The following SORCS2 variants were observed in gnomAD, a reference collection of about 807,000 sequenced individuals.
SORCS2 encodes the protein VPS10 domain-containing receptor SorCS2.
In SORCS2, 100 loss-of-function variants were observed where a neutral mutation model predicts 141.6. The ratio of observed to expected loss-of-function variants is 0.71; its 90% CI spans 0.60 to 0.83. SORCS2 has a LOEUF of 0.83. Among genes scored for constraint, SORCS2 ranks in the 40% least tolerant of loss-of-function variants. The pLI, the probability that SORCS2 is intolerant of heterozygous loss-of-function variation, is 0.00. For synonymous variants in SORCS2, 789 were observed against 676.9 expected, an observed-to-expected ratio of 1.17 and a Z score of -2.57; for missense variants, 1,646 against 1,560.2, an observed-to-expected ratio of 1.05 and a Z score of -0.93.
intron 2 of SORCS2, among the ~76,000 whole-genome samples, chr4:7,502,097 T>C (rs1732010864): frequency 6.6e-6 from 1 of 152,186 alleles, no homozygotes; most frequent in South Asian, 2.1e-4. Context: ...GGCGTTTCTG[T>C]CACAGGGACA....
intron 1 of SORCS2, among the ~76,000 whole-genome samples, chr4:7,369,785 C>T (rs1006169215): frequency 5.9e-5 from 9 of 152,206 alleles, no homozygotes; most frequent in African/African-American, 2.2e-4. Context: ...TTCGTCAGCG[C>T]ATCTTCAGCC....
chr4:7,486,259 A>C (rs910027106), intron 2 of SORCS2, among the ~76,000 whole-genome samples: 28 of 35,976 alleles, frequency 7.8e-4, no homozygotes, highest in Middle Eastern at 0.013. Flanking sequence ...CCCAGGTCAC[A>C]GCCCAACCTG....
At chr4:7,585,866 T>C (rs532472922) in intron 3 of SORCS2, among the ~76,000 whole-genome samples, 1 of 152,228 alleles carries the variant, frequency 6.6e-6, no homozygotes, top group Non-Finnish European at 1.5e-5. Flanking sequence ...GATTTCTGAG[T>C]CATCTCTCTT....
At chr4:7,229,817 T>A (rs1358683688) in intron 1 of SORCS2, among the ~76,000 whole-genome samples, 1 of 151,096 alleles carries the variant, frequency 6.6e-6, no homozygotes, top group Non-Finnish European at 1.5e-5. Flanking sequence ...GCAGGAGCAG[T>A]GTCATGCTCG....
chr4:7,604,872 G>A (rs1484603214), intron 3 of SORCS2, among the ~76,000 whole-genome samples: 1 of 152,150 alleles, frequency 6.6e-6, no homozygotes, highest in Non-Finnish European at 1.5e-5. Flanking sequence ...CCAGCTTCAG[G>A]CAGAGGGATT....
intron 2 of SORCS2, among the ~76,000 whole-genome samples, chr4:7,509,810 G>A (rs1260657332): frequency 6.6e-6 from 1 of 152,236 alleles, no homozygotes; most frequent in African/African-American, 2.4e-5. Flanking sequence ...ACCCACTGAG[G>A]ATAGGCTCTG....
chr4:7,292,436 G>C (rs979860662), intron 1 of SORCS2, among the ~76,000 whole-genome samples: 1 of 152,266 alleles, frequency 6.6e-6, no homozygotes, highest in African/African-American at 2.4e-5. Context: ...ATCTCAGGAA[G>C]ATGCACTGGT....
intron 3 of SORCS2, among the ~76,000 whole-genome samples, chr4:7,621,377 C>T (rs1192940129): frequency 2.7e-5 from 4 of 150,736 alleles, no homozygotes; most frequent in Non-Finnish European, 5.9e-5. Context: ...GTTTGTGTGT[C>T]TATGTGTGAG....
intron 9 of SORCS2, among the ~76,000 whole-genome samples, chr4:7,679,865 C>CG (rs1723405076): frequency 1.3e-5 from 2 of 152,030 alleles, no homozygotes; most frequent in African/African-American, 4.8e-5. Flanking sequence ...CAGACCCACC[C>CG]GGGGGCCTTG....
At chr4:7,573,561 A>G (rs1715535889) in intron 3 of SORCS2, among the ~76,000 whole-genome samples, 1 of 152,188 alleles carries the variant, frequency 6.6e-6, no homozygotes, top group Non-Finnish European at 1.5e-5. Context: ...TCTGTCGCCC[A>G]GGCTGAAGTG....
Position 7,193,004 on chromosome 4 carries a change from G to C in SORCS2, c.358G>C (p.Ala120Pro). The change falls in exon 1 of 27, where the codon GCG (alanine) becomes CCG (proline). Residue 120 changes from alanine (A) to proline (P), a missense_variant. Transcript: ENST00000507866. The surrounding 1 kb of genome is among the most constrained non-coding windows in gnomAD (Gnocchi z 4.8). ...CGCGGGCTACCGGCGCTGGGAGCGG[G>C]CGGCGCCGCTGGCCGGAGTGGCTTC... is the stretch of plus-strand genomic sequence containing the variant. ...PAAGYRRWER[A>P]APLAGVASRA... 6.8e-7 allele frequency: 1 copy of C among 1,465,318 alleles called. No homozygotes were observed. The highest frequency in any genetic ancestry group is 9.0e-7 in the Non-Finnish European group (1 of 1,115,640). The allele number at this position is 1,465,318 out of a possible 1,614,324, so 90.8% of individuals were successfully genotyped here. A position where few individuals can be genotyped will look rare whatever the true frequency, so the allele number is the denominator to read the frequency against.
intron 2 of SORCS2, among the ~76,000 whole-genome samples, chr4:7,411,457 T>G (rs189815804): frequency 6.6e-6 from 1 of 152,192 alleles, no homozygotes; most frequent in African/African-American, 2.4e-5. Context: ...GCTTTCTTCC[T>G]TCCTTCCATT....
intron 3 of SORCS2, among the ~76,000 whole-genome samples, chr4:7,613,401 G>A (rs570503913): frequency 1.4e-4 from 22 of 152,312 alleles, no homozygotes; most frequent in African/African-American, 5.1e-4. Flanking sequence ...GCACTGCAGG[G>A]ACCCAGCTGA....
chr4:7,390,075 C>T (rs1028508788), intron 1 of SORCS2, among the ~76,000 whole-genome samples: 5 of 152,126 alleles, frequency 3.3e-5, no homozygotes, highest in African/African-American at 1.2e-4. Flanking sequence ...AGGGGGAGGC[C>T]CACGGCTGTG....
At chr4:7,649,914 C>T (rs1022846580) in intron 4 of SORCS2, among the ~76,000 whole-genome samples, 26 of 152,146 alleles carry the variant, frequency 1.7e-4, no homozygotes, top group African/African-American at 4.3e-4. Context: ...AAAAGAAGCA[C>T]GCGGCACAGA....
chr4:7,373,462 A>ATATATATATATATG (rs1339893287), intron 1 of SORCS2, among the ~76,000 whole-genome samples: 2 of 58,916 alleles, frequency 3.4e-5, no homozygotes, highest in African/African-American at 2.5e-4. Context: ...AAACTTTTAT[A>ATATATATATATATG]TATATATATA....
chr4:7,448,151 C>G (rs528442485), intron 2 of SORCS2, among the ~76,000 whole-genome samples: 1 of 152,300 alleles, frequency 6.6e-6, no homozygotes, highest in East Asian at 1.9e-4. Flanking sequence ...TTCTGAGGCA[C>G]AGTTGTGTTT....
At chr4:7,316,377 G>C (rs1261864360) in intron 1 of SORCS2, among the ~76,000 whole-genome samples, 1 of 152,202 alleles carries the variant, frequency 6.6e-6, no homozygotes, top group Non-Finnish European at 1.5e-5. Flanking sequence ...AAGAAACACA[G>C]AAAGGATTTC....
At chr4:7,704,150 G>A in intron 13 of SORCS2, 27 bp from the exon 14 acceptor site, 2 of 1,598,806 alleles carry the variant, frequency 1.3e-6, no homozygotes, top group Non-Finnish European at 1.7e-6. Context: ...GCCCACCCCA[G>A]AGATGCTGAC....
Sources: allele counts gnomAD v4.1 joint callset (sites outside exome capture counted in the v4.1 genomes callset), GRCh38; gene constraint gnomAD v4.1.1; non-coding constraint Gnocchi (gnomAD v3.1); transcripts MANE v1.5; gene names NCBI Gene and HGNC (gene_info 2026-07-23, HGNC 2026-07-21).